The following KLHL20 variants were observed in gnomAD, a reference collection of about 807,000 sequenced individuals.
The protein encoded by KLHL20 is kelch-like protein 20.
Under a neutral mutation model 69.5 loss-of-function variants are expected in KLHL20, and 29 were observed. The ratio of observed to expected loss-of-function variants is 0.42; its 90% CI spans 0.31 to 0.57. KLHL20 has a LOEUF of 0.57. Among genes scored for constraint, KLHL20 ranks in the 20% least tolerant of loss-of-function variants. KLHL20 has a pLI of 0.18. For missense variants in KLHL20, 419 were observed against 776.0 expected (o/e 0.54, Z 5.47); for synonymous variants, 253 against 265.2 (o/e 0.95, Z 0.45).
chr1:173,741,879 G>A (rs1672824056), intron 3 of KLHL20: 3 of 1,561,380 alleles, frequency 1.9e-6, no homozygotes, highest in Non-Finnish European at 2.6e-6. Flanking sequence ...GCCTACAGGA[G>A]GAAAAGCAAG....
chr1:173,739,036 C>A (rs1337634959), intron 3 of KLHL20, among the ~76,000 whole-genome samples: 2 of 151,848 alleles, frequency 1.3e-5, no homozygotes. Flanking sequence ...TTCCCTCTTT[C>A]TCTGTCTTTT....
chr1:173,727,813 C>CGG, intron 2 of KLHL20, among the ~76,000 whole-genome samples: 1 of 152,116 alleles, frequency 6.6e-6, no homozygotes, highest in East Asian at 1.9e-4. Flanking sequence ...ATTGTAAATA[C>CGG]CATCAAGGCT....
intron 3 of KLHL20, among the ~76,000 whole-genome samples, chr1:173,748,761 A>G (rs1249329064): frequency 7.5e-6 from 1 of 132,786 alleles, no homozygotes; most frequent in Non-Finnish European, 1.5e-5. Flanking sequence ...AAAAAATCAG[A>G]AAAAAAAAAG....
At chr1:173,784,058 G>A (rs1649052112) in intron 11 of KLHL20, among the ~76,000 whole-genome samples, 1 of 152,082 alleles carries the variant, frequency 6.6e-6, no homozygotes, top group South Asian at 2.1e-4. Context: ...TAGCCTGAGT[G>A]GAAGAGCAAG....
At chr1:173,783,477 C>T (rs1429222004) in intron 11 of KLHL20, among the ~76,000 whole-genome samples, 2 of 152,168 alleles carry the variant, frequency 1.3e-5, no homozygotes, top group Non-Finnish European at 2.9e-5. Context: ...TCTCACAGCT[C>T]CATATGACTC....
chr1:173,729,103 T>C (rs1431789755), intron 2 of KLHL20, among the ~76,000 whole-genome samples: 1 of 152,112 alleles, frequency 6.6e-6, no homozygotes, highest in African/African-American at 2.4e-5. Flanking sequence ...AACACCTCTG[T>C]GCAAATAAAC....
At chr1:173,754,381 G>A (rs1673444249) in intron 5 of KLHL20, among the ~76,000 whole-genome samples, 1 of 152,098 alleles carries the variant, frequency 6.6e-6, no homozygotes, top group African/African-American at 2.4e-5. Context: ...GAGGTCAGGA[G>A]TTCGAGACCA....
intron 9 of KLHL20, among the ~76,000 whole-genome samples, chr1:173,775,060 C>T (rs749477059): frequency 6.6e-6 from 1 of 152,228 alleles, no homozygotes; most frequent in Non-Finnish European, 1.5e-5. Flanking sequence ...ATCTGCCCAC[C>T]TCAGCCTCCT....
intron 7 of KLHL20, among the ~76,000 whole-genome samples, chr1:173,758,237 C>CTCTA (rs1376811985): frequency 6.6e-6 from 1 of 151,650 alleles, no homozygotes; most frequent in Non-Finnish European, 1.5e-5. Flanking sequence ...CGCCATTGCA[C>CTCTA]TCTAGTCTGG....
chr1:173,748,802 T>C (rs748239735), intron 3 of KLHL20, among the ~76,000 whole-genome samples: 1 of 152,166 alleles, frequency 6.6e-6, no homozygotes, highest in Non-Finnish European at 1.5e-5. Flanking sequence ...TCTTGGATTA[T>C]GGTAATATTC....
At chr1:173,761,310 C>T (rs1051659445) in intron 7 of KLHL20, among the ~76,000 whole-genome samples, 14 of 152,108 alleles carry the variant, frequency 9.2e-5, no homozygotes, top group Non-Finnish European at 2.1e-4. Context: ...ATTCCACTGA[C>T]AGCACTAGAC....
chr1:173,761,250 A>G (rs1647281985), intron 7 of KLHL20, among the ~76,000 whole-genome samples: 2 of 152,182 alleles, frequency 1.3e-5, no homozygotes. Flanking sequence ...TTACTAATAG[A>G]CCCAAGAAAT....
chr1:173,758,663 G>A (rs1353805403), intron 7 of KLHL20, among the ~76,000 whole-genome samples: 1 of 152,204 alleles, frequency 6.6e-6, no homozygotes. Context: ...CTGGAGCTGA[G>A]TCAAGTTAGA....
chr1:173,724,286 T>C (rs796571339), intron 2 of KLHL20, among the ~76,000 whole-genome samples: 4 of 152,012 alleles, frequency 2.6e-5, no homozygotes, highest in Admixed American at 2.6e-4. Flanking sequence ...ATTACAGGCA[T>C]GAGCCACTAG....
chr1:173,756,943 G>C (rs759205752), intron 6 of KLHL20, 33 bp from the exon 7 acceptor site: 9 of 1,599,788 alleles, frequency 5.6e-6, no homozygotes, highest in Non-Finnish European at 7.7e-6. Context: ...CTTCAGGATA[G>C]GATTCTCTTG....
At chr1:173,774,894 T>C (rs1227286271) in intron 9 of KLHL20, among the ~76,000 whole-genome samples, 1 of 152,166 alleles carries the variant, frequency 6.6e-6, no homozygotes, top group Non-Finnish European at 1.5e-5. Context: ...CACTGCAACC[T>C]CTACCTCCCG....
chr1:173,752,597 G>A (rs1673364048), intron 4 of KLHL20, among the ~76,000 whole-genome samples: 1 of 152,208 alleles, frequency 6.6e-6, no homozygotes, highest in African/African-American at 2.4e-5. Context: ...TGATGCATCA[G>A]TCATCACTGA....
chr1:173,733,682 A>G, intron 2 of KLHL20, 31 bp from the exon 3 acceptor site: 1 of 1,493,152 alleles, frequency 6.7e-7, no homozygotes, highest in Non-Finnish European at 9.2e-7. Context: ...TAATACTGCC[A>G]TCTTCTCTCT....
intron 11 of KLHL20, 152 bp from the exon 12 acceptor site, chr1:173,785,011 T>C (rs1183621483): frequency 1.8e-6 from 1 of 566,894 alleles, no homozygotes; most frequent in Non-Finnish European, 3.0e-6. Flanking sequence ...TTCTAATCTT[T>C]AGAATGAAGA....
Sources: gnomAD v4.1 joint callset for allele counts (sites outside exome capture counted in the v4.1 genomes callset) on GRCh38, gnomAD v4.1.1 for gene constraint, MANE v1.5 for transcripts, NCBI Gene and HGNC (gene_info 2026-07-23, HGNC 2026-07-21) for gene names.